The following CAMTA1 variants were observed in gnomAD, a reference collection of about 807,000 sequenced individuals.
The protein encoded by CAMTA1 is calmodulin-binding transcription activator 1.
A neutral mutation model predicts 170.9 loss-of-function variants in CAMTA1; 27 were observed. The ratio of observed to expected loss-of-function variants is 0.16; its 90% CI spans 0.12 to 0.22. CAMTA1 has a LOEUF of 0.22. Ranked by LOEUF, CAMTA1 falls within the 10% of genes least tolerant of loss-of-function variation. CAMTA1 has a pLI of 1.00. For missense variants in CAMTA1, 1,619 were observed against 2,217.2 expected (o/e 0.73, Z 5.42); for synonymous variants, 833 against 891.5 (o/e 0.93, Z 1.17).
chr1:6,846,182 C>A (rs567141570), intron 3 of CAMTA1, among the ~76,000 whole-genome samples: 6 of 152,340 alleles, frequency 3.9e-5, no homozygotes, highest in South Asian at 4.1e-4. Flanking sequence ...ATATAAGATA[C>A]ATTTTCTCAC....
intron 3 of CAMTA1, among the ~76,000 whole-genome samples, chr1:6,958,558 G>A (rs574314083): frequency 5.9e-5 from 9 of 152,172 alleles, no homozygotes; most frequent in Non-Finnish European, 1.2e-4. Flanking sequence ...ACTGAAGTCC[G>A]TCACCCAGAA....
chr1:7,355,986 T>C (rs1557579256), intron 5 of CAMTA1, among the ~76,000 whole-genome samples: 1 of 152,256 alleles, frequency 6.6e-6, no homozygotes, highest in Non-Finnish European at 1.5e-5. Flanking sequence ...AGGTATGGCA[T>C]CACTGTGCAT....
At chr1:7,048,807 T>G (rs1445730902) in intron 3 of CAMTA1, among the ~76,000 whole-genome samples, 1 of 152,152 alleles carries the variant, frequency 6.6e-6, no homozygotes, top group African/African-American at 2.4e-5. Flanking sequence ...AGTCTGTGTG[T>G]TCCTCAGAAG....
chr1:7,178,331 T>C (rs1558209973), intron 4 of CAMTA1, among the ~76,000 whole-genome samples: 1 of 152,180 alleles, frequency 6.6e-6, no homozygotes, highest in Non-Finnish European at 1.5e-5. Flanking sequence ...CCCGTTTGTC[T>C]CTGCCCTGAT....
chr1:7,198,522 G>T (rs1455925488), intron 4 of CAMTA1, among the ~76,000 whole-genome samples: 1 of 152,012 alleles, frequency 6.6e-6, no homozygotes, highest in Non-Finnish European at 1.5e-5. Flanking sequence ...CAGCAGCCCT[G>T]GGTGCTCCCG....
chr1:7,735,965 G>C (rs1049936658), intron 12 of CAMTA1, among the ~76,000 whole-genome samples: 1 of 152,042 alleles, frequency 6.6e-6, no homozygotes, highest in African/African-American at 2.4e-5. Context: ...TAGAGATGGG[G>C]TTAGGGTTAG....
At chr1:7,414,284 G>C (rs374440116) in intron 5 of CAMTA1, among the ~76,000 whole-genome samples, 151 of 152,296 alleles carry the variant, frequency 9.9e-4, no homozygotes, top group Non-Finnish European at 2.1e-3. Context: ...AAATGAGTTA[G>C]GGAGGATTCC....
chr1:6,966,947 A>G (rs971130013), intron 3 of CAMTA1, among the ~76,000 whole-genome samples: 35 of 150,604 alleles, frequency 2.3e-4, no homozygotes, highest in African/African-American at 8.3e-4. Context: ...CTCATGAAAA[A>G]ATTCATGGTT....
rs528798376 is a variant in CAMTA1 at position 6,915,832 on chromosome 1, G to A, written c.234+90622G>A. On this transcript the variant is annotated intron_variant, in intron 3 of 22. Transcript: ENST00000303635. ...CTCTCTGACTGGGGCCTGCAGACAGGGGTGGCCCTGATGACTTCTCCAAGA... is the reference window on the plus strand; with the variant it reads ...CTCTCTGACTGGGGCCTGCAGACAGAGGTGGCCCTGATGACTTCTCCAAGA... Among the ~76,000 whole-genome samples, 4 of 152,282 alleles carry A rather than the reference G, an allele frequency of 2.6e-5. No individual in the cohort carries two copies. In the South Asian group the frequency reaches 8.3e-4, roughly 32 times the overall value.
At position 7,655,614 on chromosome 1, in the gene CAMTA1, CCACACACCTATA is replaced by C. The variant is rs755327294; in HGVS notation, c.665-6092_665-6081del. On this transcript the variant is annotated intron_variant, in intron 7 of 22. Coordinates refer to ENST00000303635, the MANE Select transcript of CAMTA1 (RefSeq NM_015215.4). ...CCCCTATACACACACCTATACACAC[CCACACACCTATA>C]CACACACCTATACACACACTACACA... is the stretch of plus-strand genomic sequence containing the variant. Among the ~76,000 whole-genome samples the C allele has an allele frequency of 6.4e-3, 873 of 136,154 alleles. 10 individuals carry two copies. The highest frequency in any genetic ancestry group is 0.021 in the African/African-American group (745 of 35,100). 89.3% of individuals were successfully genotyped at this position (136,154 alleles called of 152,430 possible). A position where few individuals can be genotyped will look rare whatever the true frequency, so the allele number is the denominator to read the frequency against.
At position 7,205,581 on chromosome 1, in the gene CAMTA1, C is replaced by T. The variant is rs549957253; in HGVS notation, c.303-43910C>T. On this transcript the variant is annotated intron_variant, in intron 4 of 22. Transcript: ENST00000303635. ...ATCTCTTGCAACATTTTTTTAAAGTCTATTGTATCTGACATGGTATAACAA... is the reference window on the plus strand; with the variant it reads ...ATCTCTTGCAACATTTTTTTAAAGTTTATTGTATCTGACATGGTATAACAA... Among the ~76,000 whole-genome samples, 3 of 152,158 alleles carry T rather than the reference C, an allele frequency of 2.0e-5. No homozygotes were observed. The South Asian group carries it at 6.2e-4, about 32-fold the overall frequency.
intron 3 of CAMTA1, among the ~76,000 whole-genome samples, chr1:6,857,559 G>A (rs2148866250): frequency 6.6e-6 from 1 of 152,320 alleles, no homozygotes; most frequent in African/African-American, 2.4e-5. Context: ...AAAGTAGCAG[G>A]CAAGGTAGGG....
intron 11 of CAMTA1, among the ~76,000 whole-genome samples, chr1:7,689,167 TG>T (rs1222931384): frequency 1.4e-5 from 2 of 146,514 alleles, no homozygotes; most frequent in Non-Finnish European, 3.0e-5. Flanking sequence ...CTCGGGAGGC[TG>T]AGGCAGGAGA....
chr1:7,163,939 A>T (rs1030769605), intron 4 of CAMTA1, among the ~76,000 whole-genome samples: 2 of 152,324 alleles, frequency 1.3e-5, no homozygotes, highest in Middle Eastern at 6.8e-3. Flanking sequence ...TATAGAGAGC[A>T]TATCTTTTTA....
In CAMTA1 at chr1:7,173,244, A is replaced by G. The variant is rs1650038984; in HGVS notation, c.303-76247A>G. Among the ~76,000 whole-genome samples, 1 of 152,158 alleles carries G rather than the reference A, an allele frequency of 6.6e-6. No homozygotes were observed. The highest frequency in any genetic ancestry group is 1.5e-5 in the Non-Finnish European group (1 of 68,052). ...TCTCTGGCCTCAGGCACATCATCCT[A>G]AACTGGGCACGATAATCCCCCTGAG... On this transcript the variant is annotated intron_variant, in intron 4 of 22. Coordinates refer to ENST00000303635, the MANE Select transcript of CAMTA1 (RefSeq NM_015215.4). This position sits in a 1 kb window ranked among gnomAD's most constrained non-coding sequence, Gnocchi z 5.4.
At chr1:7,519,716 CT>C (rs1271521917) in intron 6 of CAMTA1, among the ~76,000 whole-genome samples, 1 of 151,758 alleles carries the variant, frequency 6.6e-6, no homozygotes, top group African/African-American at 2.4e-5. Context: ...TGATGCTGGG[CT>C]AATCCTTTGT....
chr1:7,382,151 A>G (rs893596936), intron 5 of CAMTA1, among the ~76,000 whole-genome samples: 2 of 152,230 alleles, frequency 1.3e-5, no homozygotes, highest in African/African-American at 4.8e-5. Flanking sequence ...TTGCAGTCAC[A>G]TCTAACTACA....
chr1:7,565,021 G>C lies in CAMTA1; in HGVS notation c.511-75379G>C, dbSNP rs1042341598. 2.0e-5 allele frequency among the ~76,000 whole-genome samples: 3 copies of C among 151,984 alleles called. No homozygotes were observed. Among genetic ancestry groups the C allele is most frequent in the African/African-American group, 7.3e-5 (3 of 41,374 alleles). ...AGGGTGACAACCACGAGATCAAGGTGGATGGGGGGTGGGAGCAGAAGGGCA... is the reference window on the plus strand; with the variant it reads ...AGGGTGACAACCACGAGATCAAGGTCGATGGGGGGTGGGAGCAGAAGGGCA... On this transcript the variant is annotated intron_variant, in intron 6 of 22. Transcript: ENST00000303635. The surrounding 1 kb of genome is among the most constrained non-coding windows in gnomAD (Gnocchi z 4.5).
intron 5 of CAMTA1, among the ~76,000 whole-genome samples, chr1:7,406,620 A>G (rs1448996168): frequency 6.6e-6 from 1 of 152,040 alleles, no homozygotes; most frequent in African/African-American, 2.4e-5. Flanking sequence ...ACACACACAC[A>G]TGCATGCAGA....
Sources: allele counts gnomAD v4.1 joint callset (sites outside exome capture counted in the v4.1 genomes callset), GRCh38; gene constraint gnomAD v4.1.1; non-coding constraint Gnocchi (gnomAD v3.1); transcripts MANE v1.5; gene names NCBI Gene and HGNC (gene_info 2026-07-23, HGNC 2026-07-21).